The following ZNF385D variants were observed in gnomAD, a reference collection of about 807,000 sequenced individuals.
ZNF385D encodes zinc finger protein 659.
Under a neutral mutation model 35.8 loss-of-function variants are expected in ZNF385D, and 15 were observed. The ratio of observed to expected loss-of-function variants is 0.42; its 90% CI spans 0.28 to 0.64. The LOEUF is 0.64. Ranked by LOEUF, ZNF385D falls within the 30% of genes least tolerant of loss-of-function variation. The probability of loss-of-function intolerance (pLI) is 0.23; values close to 1 mark genes in which losing one functional copy is unlikely to be tolerated. For synonymous variants in ZNF385D, 212 were observed against 186.8 expected (o/e 1.13, Z -1.10); for missense variants, 474 against 494.6 (o/e 0.96, Z 0.39).
chr3:21,444,194 C>T (rs1702015739), intron 4 of ZNF385D, among the ~76,000 whole-genome samples: 1 of 151,478 alleles, frequency 6.6e-6, no homozygotes, highest in Non-Finnish European at 1.5e-5. Flanking sequence ...ATTCTCCTGC[C>T]TCAGCCTCCT....
At chr3:21,712,333 C>A (rs1277134258) in intron 1 of ZNF385D, among the ~76,000 whole-genome samples, 1 of 152,184 alleles carries the variant, frequency 6.6e-6, no homozygotes, top group Non-Finnish European at 1.5e-5. Flanking sequence ...AAGCCAGGTG[C>A]CTTGCATTCC....
chr3:21,592,175 ATTAGTTG>A (rs1424449976), intron 2 of ZNF385D, among the ~76,000 whole-genome samples: 2 of 152,154 alleles, frequency 1.3e-5, no homozygotes. Flanking sequence ...ATTTATGGTT[ATTAGTTG>A]TTTTCTTGAC....
intron 3 of ZNF385D, among the ~76,000 whole-genome samples, chr3:21,834,832 G>A (rs940589745): frequency 2.0e-5 from 3 of 152,040 alleles, no homozygotes; most frequent in African/African-American, 7.2e-5. Context: ...CACGACATCT[G>A]GTGGTTTAAA....
At chr3:21,791,314 C>T (rs539268874) in intron 3 of ZNF385D, among the ~76,000 whole-genome samples, 66 of 152,194 alleles carry the variant, frequency 4.3e-4, no homozygotes, top group African/African-American at 1.4e-3. Context: ...AAAACAAATT[C>T]CTTCAGTGGC....
intron 2 of ZNF385D, among the ~76,000 whole-genome samples, chr3:22,338,231 T>TGGTTTAATCA (rs1392093517): frequency 2.0e-5 from 3 of 152,222 alleles, no homozygotes; most frequent in African/African-American, 7.2e-5. Flanking sequence ...GGTGCAGACT[T>TGGTTTAATCA]AGTTTTATGT....
chr3:22,032,570 A>G (rs1322210933), intron 3 of ZNF385D, among the ~76,000 whole-genome samples: 4 of 152,138 alleles, frequency 2.6e-5, no homozygotes, highest in Non-Finnish European at 5.9e-5. Context: ...CACTCCCTAT[A>G]TATATGGTCC....
At chr3:22,322,610 CTTTATTA>C (rs1343989726) in intron 2 of ZNF385D, among the ~76,000 whole-genome samples, 1 of 152,120 alleles carries the variant, frequency 6.6e-6, no homozygotes, top group African/African-American at 2.4e-5. Flanking sequence ...GGATCTTTTA[CTTTATTA>C]TTTAATATTT....
At chr3:21,711,038 A>AGTTTTTTTTTTTT (rs2068081731) in intron 1 of ZNF385D, among the ~76,000 whole-genome samples, 1 of 55,826 alleles carries the variant, frequency 1.8e-5, no homozygotes, top group African/African-American at 7.3e-5. Flanking sequence ...TCCCTCTAAA[A>AGTTTTTTTTTTTT]GTTTTTTTTT....
intron 3 of ZNF385D, among the ~76,000 whole-genome samples, chr3:22,129,995 G>A (rs923619193): frequency 5.3e-5 from 8 of 152,128 alleles, no homozygotes; most frequent in Admixed American, 1.3e-4. Flanking sequence ...TACTGCTGAT[G>A]TTTATTCAAG....
intron 3 of ZNF385D, among the ~76,000 whole-genome samples, chr3:21,925,125 G>C (rs762500887): frequency 1.3e-5 from 2 of 152,146 alleles, no homozygotes; most frequent in Non-Finnish European, 2.9e-5. Flanking sequence ...ATCTTAGCAA[G>C]ACTTTTATAG....
intron 3 of ZNF385D, chr3:22,168,379 T>C (rs1378068208): frequency 6.6e-6 from 1 of 152,204 alleles, no homozygotes; most frequent in Admixed American, 6.5e-5. Context: ...AGATCATAGT[T>C]TATTGATTAA....
chr3:22,229,175 G>T (rs1016790692), intron 2 of ZNF385D, among the ~76,000 whole-genome samples: 6 of 152,104 alleles, frequency 3.9e-5, no homozygotes, highest in African/African-American at 1.2e-4. Context: ...TTTCTCCTCT[G>T]ACTCCATTTT....
chr3:22,184,663 T>C (rs891884550), intron 2 of ZNF385D, among the ~76,000 whole-genome samples: 2 of 152,062 alleles, frequency 1.3e-5, no homozygotes, highest in African/African-American at 4.8e-5. Context: ...CTGTCTCTAC[T>C]TACAAACACA....
At chr3:21,548,101 C>T (rs2062442065) in intron 3 of ZNF385D, among the ~76,000 whole-genome samples, 1 of 152,104 alleles carries the variant, frequency 6.6e-6, no homozygotes, top group Non-Finnish European at 1.5e-5. Context: ...GGGACTCTGG[C>T]CTTGCAGAGG....
At chr3:22,029,280 G>T (rs554555341) in intron 3 of ZNF385D, among the ~76,000 whole-genome samples, 3 of 152,308 alleles carry the variant, frequency 2.0e-5, no homozygotes, top group East Asian at 1.9e-4. Context: ...CAGCATGGAA[G>T]TAAGGAAGAG....
intron 2 of ZNF385D, among the ~76,000 whole-genome samples, chr3:21,613,235 A>C (rs561362641): frequency 9.9e-5 from 15 of 152,244 alleles, no homozygotes; most frequent in African/African-American, 2.9e-4. Flanking sequence ...AGTCAAGCTG[A>C]ATGTATACCC....
At chr3:21,875,382 TG>T (rs1035416411) in intron 3 of ZNF385D, among the ~76,000 whole-genome samples, 3 of 152,108 alleles carry the variant, frequency 2.0e-5, no homozygotes, top group Admixed American at 6.6e-5. Flanking sequence ...ATTGTTTTTC[TG>T]GCACCCATTT....
chr3:21,690,339 T>C (rs1211815839), intron 1 of ZNF385D, among the ~76,000 whole-genome samples: 1 of 152,160 alleles, frequency 6.6e-6, no homozygotes, highest in Non-Finnish European at 1.5e-5. Context: ...CTATCTGGAA[T>C]GCATATGTAA....
intron 1 of ZNF385D, among the ~76,000 whole-genome samples, chr3:21,670,675 A>C (rs13092289): frequency 0.56 from 9,949 of 17,918 alleles, 1,852 homozygotes; most frequent in Admixed American, 0.57. Flanking sequence ...CCCCCCCCCA[A>C]TGACTGAACG....
Sources: allele counts gnomAD v4.1 joint callset (sites outside exome capture counted in the v4.1 genomes callset), GRCh38; gene constraint gnomAD v4.1.1; transcripts MANE v1.5; gene names NCBI Gene and HGNC (gene_info 2026-07-23, HGNC 2026-07-21).